Variants in CTNNA3 observed in about 807,000 individuals in gnomAD.
The protein encoded by CTNNA3 is catenin alpha-3.
In CTNNA3, 76 loss-of-function variants were observed where a neutral mutation model predicts 95.7. That is an observed-to-expected ratio of 0.79 (90% CI 0.66 to 0.96). CTNNA3 has a LOEUF of 0.96. Among genes scored for constraint, CTNNA3 ranks in the 40% least tolerant of loss-of-function variants. CTNNA3 has a pLI of 0.00. For synonymous variants in CTNNA3, 431 were observed against 374.4 expected (o/e 1.15, Z -1.74); for missense variants, 1,191 against 1,089.8 (o/e 1.09, Z -1.31).
intron 5 of CTNNA3, among the ~76,000 whole-genome samples, chr10:67,333,816 G>A (rs1841886117): frequency 6.6e-6 from 1 of 151,964 alleles, no homozygotes; most frequent in Admixed American, 6.6e-5. Flanking sequence ...ATTATACATG[G>A]CACTTACTTT....
At chr10:66,662,717 A>C (rs1449378167) in intron 9 of CTNNA3, among the ~76,000 whole-genome samples, 1 of 151,942 alleles carries the variant, frequency 6.6e-6, no homozygotes, top group Non-Finnish European at 1.5e-5. Flanking sequence ...AAGATCCTCA[A>C]CTTTATCTTC....
chr10:66,247,353 T>G (rs2090375637), intron 13 of CTNNA3, among the ~76,000 whole-genome samples: 1 of 152,106 alleles, frequency 6.6e-6, no homozygotes, highest in Non-Finnish European at 1.5e-5. Flanking sequence ...TGCCTGGGGT[T>G]TAGGGGAATT....
intron 7 of CTNNA3, among the ~76,000 whole-genome samples, chr10:66,953,832 A>G (rs917950739): frequency 4.5e-4 from 68 of 152,288 alleles, no homozygotes; most frequent in African/African-American, 1.6e-3. Context: ...TTCTAGAGAC[A>G]CTGGTCAGTT....
chr10:67,382,546 ATCT>A (rs1409805356), intron 5 of CTNNA3, among the ~76,000 whole-genome samples: 1 of 152,156 alleles, frequency 6.6e-6, no homozygotes, highest in Non-Finnish European at 1.5e-5. Flanking sequence ...AATTGTTATG[ATCT>A]TCTTGACAAC....
At chr10:67,221,412 C>T (rs57554282) in intron 5 of CTNNA3, among the ~76,000 whole-genome samples, 1 of 152,008 alleles carries the variant, frequency 6.6e-6, no homozygotes, top group African/African-American at 2.4e-5. Context: ...GTGATTATTC[C>T]CATTTTAAAA....
chr10:66,276,927 A>C (rs1191686423), intron 13 of CTNNA3, among the ~76,000 whole-genome samples: 1 of 152,122 alleles, frequency 6.6e-6, no homozygotes, highest in Non-Finnish European at 1.5e-5. Context: ...ATTGAGGCTA[A>C]GTAAGATTTG....
chr10:66,521,480 T>G (rs1287189843), intron 10 of CTNNA3, among the ~76,000 whole-genome samples: 1 of 152,170 alleles, frequency 6.6e-6, no homozygotes, highest in Non-Finnish European at 1.5e-5. Context: ...AAATTAGGAC[T>G]GTAAGTTGAA....
chr10:65,963,106 T>C (rs1177091046), intron 17 of CTNNA3, among the ~76,000 whole-genome samples: 1 of 152,198 alleles, frequency 6.6e-6, no homozygotes, highest in Non-Finnish European at 1.5e-5. Flanking sequence ...GTCTAAAAAA[T>C]GTTAACTTTG....
At chr10:67,631,690 T>C (rs1839148634) in intron 2 of CTNNA3, among the ~76,000 whole-genome samples, 1 of 152,192 alleles carries the variant, frequency 6.6e-6, no homozygotes, top group African/African-American at 2.4e-5. Flanking sequence ...CTATTTCAAA[T>C]TAAACACTCT....
At chr10:66,249,927 G>C (rs1284147250) in intron 13 of CTNNA3, among the ~76,000 whole-genome samples, 1 of 152,182 alleles carries the variant, frequency 6.6e-6, no homozygotes, top group African/African-American at 2.4e-5. Flanking sequence ...AAATCAGGAT[G>C]TTAAAGTGTT....
At chr10:66,672,624 T>C (rs1336220898) in intron 9 of CTNNA3, among the ~76,000 whole-genome samples, 1 of 152,098 alleles carries the variant, frequency 6.6e-6, no homozygotes, top group Non-Finnish European at 1.5e-5. Flanking sequence ...ACAGTGTCTC[T>C]GGTTCCTACA....
At chr10:66,925,460 A>G (rs986913972) in intron 7 of CTNNA3, among the ~76,000 whole-genome samples, 1 of 152,158 alleles carries the variant, frequency 6.6e-6, no homozygotes, top group Non-Finnish European at 1.5e-5. Flanking sequence ...AACCAAAACA[A>G]CAAACGAAAC....
intron 3 of CTNNA3, among the ~76,000 whole-genome samples, chr10:67,548,544 C>T (rs1431059894): frequency 6.6e-6 from 1 of 152,068 alleles, no homozygotes; most frequent in African/African-American, 2.4e-5. Context: ...TTCCCAATTT[C>T]AAAACTTACT....
At chr10:67,254,866 A>G (rs1430506185) in intron 5 of CTNNA3, among the ~76,000 whole-genome samples, 1 of 152,208 alleles carries the variant, frequency 6.6e-6, no homozygotes, top group African/African-American at 2.4e-5. Context: ...CTGTTTTACA[A>G]TGAAATCGCC....
intron 3 of CTNNA3, among the ~76,000 whole-genome samples, chr10:67,582,926 A>G (rs1842462551): frequency 1.3e-5 from 2 of 152,052 alleles, no homozygotes; most frequent in South Asian, 4.1e-4. Flanking sequence ...ATCTTCCTCC[A>G]TCCCTTTATT....
chr10:66,830,181 G>T (rs1386969060), intron 7 of CTNNA3, among the ~76,000 whole-genome samples: 1 of 152,120 alleles, frequency 6.6e-6, no homozygotes, highest in Non-Finnish European at 1.5e-5. Context: ...ATGTCTATAA[G>T]CAGGTATGCA....
chr10:66,480,338 G>A (rs1005058236), intron 11 of CTNNA3, among the ~76,000 whole-genome samples: 10 of 151,838 alleles, frequency 6.6e-5, no homozygotes, highest in African/African-American at 2.4e-4. Context: ...TGGAAATTAT[G>A]AAAAGAAGTA....
intron 1 of CTNNA3, among the ~76,000 whole-genome samples, chr10:67,712,667 A>G (rs1298445951): frequency 1.3e-5 from 2 of 152,254 alleles, no homozygotes; most frequent in Admixed American, 6.5e-5. Context: ...GGGACCTGAC[A>G]AAAACAAGCA....
chr10:66,403,469 G>T (rs2093035243), intron 11 of CTNNA3, among the ~76,000 whole-genome samples: 1 of 152,154 alleles, frequency 6.6e-6, no homozygotes, highest in Non-Finnish European at 1.5e-5. Flanking sequence ...GGAGGCAGGA[G>T]CAGGGGCAAC....
Sources: allele counts gnomAD v4.1 joint callset (sites outside exome capture counted in the v4.1 genomes callset), GRCh38; gene constraint gnomAD v4.1.1; transcripts MANE v1.5; gene names NCBI Gene and HGNC (gene_info 2026-07-23, HGNC 2026-07-21).